The following ABCC12 variants were observed in gnomAD, a reference collection of about 807,000 sequenced individuals.
ABCC12 encodes ATP binding cassette subfamily C member 12.
A neutral mutation model predicts 151.1 loss-of-function variants in ABCC12; 142 were observed. The ratio of observed to expected loss-of-function variants is 0.94; its 90% CI spans 0.82 to 1.08. The LOEUF is 1.08. ABCC12 is among the 50% of genes least tolerant of loss of function. The pLI, the probability that ABCC12 is intolerant of heterozygous loss-of-function variation, is 0.00. For missense variants in ABCC12, 1,638 were observed against 1,691.1 expected, an observed-to-expected ratio of 0.97 and a Z score of 0.55; for synonymous variants, 645 against 646.4, an observed-to-expected ratio of 1.00 and a Z score of 0.03.
intron 15 of ABCC12, among the ~76,000 whole-genome samples, chr16:48,112,673 T>C: frequency 6.6e-6 from 1 of 152,076 alleles, no homozygotes; most frequent in East Asian, 1.9e-4. Context: ...AGCCAGGACT[T>C]GGTAGGGAGG....
intron 25 of ABCC12, 113 bp from the exon 26 acceptor site, chr16:48,088,847 A>G: frequency 1.1e-6 from 1 of 886,452 alleles, no homozygotes. Flanking sequence ...TGGTGGTGAA[A>G]TAAACCAATA....
At chr16:48,145,772 C>A (rs1964979443) in intron 3 of ABCC12, among the ~76,000 whole-genome samples, 1 of 152,236 alleles carries the variant, frequency 6.6e-6, no homozygotes, top group South Asian at 2.1e-4. Context: ...GCAGCACAGC[C>A]ACCTTGCTGT....
chr16:48,115,110 G>T (rs1460841839), intron 15 of ABCC12, among the ~76,000 whole-genome samples: 1 of 152,080 alleles, frequency 6.6e-6, no homozygotes, highest in African/African-American at 2.4e-5. Flanking sequence ...CATCTTACCA[G>T]GCGCCCAGAA....
At chr16:48,125,773 C>T (rs1331203436) in intron 11 of ABCC12, among the ~76,000 whole-genome samples, 1 of 152,192 alleles carries the variant, frequency 6.6e-6, no homozygotes. Flanking sequence ...CCCCTGTCTG[C>T]CATTCTCAGC....
intron 2 of ABCC12, among the ~76,000 whole-genome samples, chr16:48,152,271 A>C (rs1172350607): frequency 1.3e-5 from 2 of 152,194 alleles, no homozygotes; most frequent in Non-Finnish European, 2.9e-5. Context: ...AAAAGTTTAA[A>C]AATTGGCCTC....
rs547912833 is a variant in ABCC12 at position 48,113,796 on chromosome 16, C to T, written c.1989+1619G>A. Among the ~76,000 whole-genome samples the T allele has an allele frequency of 4.6e-5, 7 of 152,312 alleles. No homozygotes were observed. The South Asian group carries it at 1.2e-3, about 27-fold the overall frequency. ...GCTCCTGCCTGAGGTCATACTGCGGCTCAGTCAGTTTCAAAGACCGAACCA... is the reference window on the plus strand; with the variant it reads ...GCTCCTGCCTGAGGTCATACTGCGGTTCAGTCAGTTTCAAAGACCGAACCA... On this transcript the variant is annotated intron_variant, in intron 15 of 30. Transcript: ENST00000311303.
At chr16:48,137,931 C>T (rs929294016) in intron 8 of ABCC12, among the ~76,000 whole-genome samples, 1 of 151,508 alleles carries the variant, frequency 6.6e-6, no homozygotes, top group African/African-American at 2.4e-5. Context: ...CAGCTTTTTT[C>T]CTGCTCACAA....
intron 7 of ABCC12, 29 bp downstream of exon 7, chr16:48,139,134 C>T (rs1964712631): frequency 6.4e-7 from 1 of 1,552,244 alleles, no homozygotes; most frequent in African/African-American, 1.4e-5. Context: ...AAATACAAAG[C>T]AGTTAGAAGC....
chr16:48,107,525 G>A lies in ABCC12; in HGVS notation c.2372-100C>T, dbSNP rs1375229093. The stretch of plus-strand genomic sequence containing the variant: ...AACCCTGATGGGAAATTCAAAACCT[G>A]CAGGAAAAGGACTCCCACGCCTGGA... On this transcript the variant is annotated intron_variant, in intron 19 of 30. Coordinates refer to ENST00000311303, the MANE Select transcript of ABCC12 (RefSeq NM_001393797.1). 4 of 1,025,558 alleles carry A rather than the reference G, an allele frequency of 3.9e-6. No individual in the cohort carries two copies. In the African/African-American group the frequency reaches 4.8e-5, roughly 12 times the overall value. The allele number at this position is 1,025,558 out of a possible 1,614,324, so 63.5% of individuals were successfully genotyped here.
chr16:48,104,022 C>CA (rs1034985096), intron 22 of ABCC12, 120 bp downstream of exon 22: 63 of 1,099,198 alleles, frequency 5.7e-5, no homozygotes, highest in Admixed American at 2.5e-4. Context: ...TTACTAAGTA[C>CA]AAAAAAAATC....
intron 24 of ABCC12, 139 bp from the exon 25 acceptor site, chr16:48,091,348 C>T: frequency 2.7e-6 from 2 of 738,942 alleles, no homozygotes; most frequent in East Asian, 5.1e-5. Context: ...GCCTGCCTTC[C>T]CAGCCAAGCG....
At chr16:48,150,837 A>T (rs1965107439) in intron 2 of ABCC12, among the ~76,000 whole-genome samples, 1 of 152,202 alleles carries the variant, frequency 6.6e-6, no homozygotes, top group Non-Finnish European at 1.5e-5. Flanking sequence ...TTTTAAGCTA[A>T]CAGTGAGTTC....
intron 13 of ABCC12, among the ~76,000 whole-genome samples, chr16:48,118,068 C>T (rs1963948934): frequency 6.6e-6 from 1 of 152,156 alleles, no homozygotes; most frequent in Non-Finnish European, 1.5e-5. Flanking sequence ...AGCCGAGGCC[C>T]TAGCCAGCTC....
chr16:48,099,227 G>A (rs1208314963), intron 23 of ABCC12, among the ~76,000 whole-genome samples: 1 of 152,042 alleles, frequency 6.6e-6, no homozygotes, highest in Non-Finnish European at 1.5e-5. Flanking sequence ...AGACCAGCCT[G>A]GCCAACATGG....
chr16:48,085,678 G>A lies in ABCC12; in HGVS notation c.3743C>T (p.Ala1248Val). The A allele has an allele frequency of 6.2e-7, 1 of 1,614,042 alleles. No homozygotes were observed. The highest frequency in any genetic ancestry group is 8.5e-7 in the Non-Finnish European group (1 of 1,179,962). Residue 1248 changes from alanine (A) to valine (V), a missense_variant, in exon 29 of 31, where the codon GCA (alanine) becomes GTA (valine). Coordinates refer to ENST00000311303, the MANE Select transcript of ABCC12 (RefSeq NM_001393797.1). ...GTTTTCTCCATTTTCTGTGACTTCT[G>A]CCTGTAATTTTTCTGGGAGTTTCAT... ...TIMKLPEKLQ[A>V]EVTENGENFS...
At chr16:48,146,275 G>A in intron 3 of ABCC12, 31 bp downstream of exon 3, 1 of 1,600,892 alleles carries the variant, frequency 6.2e-7, no homozygotes, top group Non-Finnish European at 8.6e-7. Flanking sequence ...GTCCTGCCCT[G>A]GCCCTCCCTT....
chr16:48,091,153 G>A lies in ABCC12; in HGVS notation c.3252C>T (p.Phe1084=), dbSNP rs1962869779. The A allele has an allele frequency of 6.2e-7, 1 of 1,614,092 alleles. No homozygotes were observed. ...ATTCCCTGAGCAGCTCCACGGAGGT[G>A]AATTTGGCTTGCGTCTCTGTTCCCG... ...VRTGTETQAK[F]TSVELLREYI... Residue 1084 remains phenylalanine, a synonymous_variant, in exon 25 of 31, where the codon TTC becomes TTT. Coordinates refer to ENST00000311303, the MANE Select transcript of ABCC12 (RefSeq NM_001393797.1).
chr16:48,133,192 TC>T (rs973599765), intron 9 of ABCC12, among the ~76,000 whole-genome samples: 15 of 152,226 alleles, frequency 9.9e-5, no homozygotes, highest in Non-Finnish European at 1.6e-4. Flanking sequence ...TGCCAGGCTC[TC>T]CCGGGCCCCT....
chr16:48,126,188 T>G (rs921923481), intron 11 of ABCC12, among the ~76,000 whole-genome samples: 3 of 152,214 alleles, frequency 2.0e-5, no homozygotes, highest in African/African-American at 7.2e-5. Context: ...AGGACTTCAA[T>G]GAACCGGGGC....
Sources: allele counts gnomAD v4.1 joint callset (sites outside exome capture counted in the v4.1 genomes callset), GRCh38; gene constraint gnomAD v4.1.1; transcripts MANE v1.5; gene names NCBI Gene and HGNC (gene_info 2026-07-23, HGNC 2026-07-21).